Variants in CCDC150 observed in about 807,000 individuals in gnomAD.
CCDC150 encodes the protein coiled-coil domain-containing protein 150.
In CCDC150, 151 loss-of-function variants were observed where a neutral mutation model predicts 156.5. The ratio of observed to expected loss-of-function variants is 0.97; its 90% CI spans 0.85 to 1.10. The LOEUF (loss-of-function observed/expected upper bound fraction) is 1.10. CCDC150 is among the 50% of genes least tolerant of loss of function. The pLI is 0.00. For missense variants in CCDC150, 1,312 were observed against 1,268.1 expected, an observed-to-expected ratio of 1.03 and a Z score of -0.53; for synonymous variants, 452 against 429.4, an observed-to-expected ratio of 1.05 and a Z score of -0.65.
intron 21 of CCDC150, 52 bp downstream of exon 21, chr2:196,721,743 A>G: frequency 7.1e-7 from 1 of 1,410,904 alleles, no homozygotes; most frequent in Non-Finnish European, 9.6e-7. Flanking sequence ...TGGAGGAGTA[A>G]GTCACATTCC....
intron 15 of CCDC150, among the ~76,000 whole-genome samples, chr2:196,711,240 C>T (rs1697092133): frequency 6.6e-6 from 1 of 152,122 alleles, no homozygotes; most frequent in East Asian, 1.9e-4. Context: ...ACAGAACATC[C>T]CTAACACCCA....
intron 15 of CCDC150, among the ~76,000 whole-genome samples, chr2:196,702,802 A>G (rs10202830): frequency 0.78 from 118,342 of 151,710 alleles, 46,360 homozygotes; most frequent in East Asian, 0.97. Context: ...TCTGAGACTG[A>G]GTAATTTGTA....
At chr2:196,730,173 A>G in intron 25 of CCDC150, 55 bp downstream of exon 25, 1 of 1,497,540 alleles carries the variant, frequency 6.7e-7, no homozygotes, top group Non-Finnish European at 9.0e-7. Context: ...ACATGTGCCA[A>G]AGCCCAGTAG....
chr2:196,699,594 A>G (rs983455298), intron 14 of CCDC150, among the ~76,000 whole-genome samples: 1 of 151,216 alleles, frequency 6.6e-6, no homozygotes. Context: ...ATCACGGCTC[A>G]GTGTAGCCTC....
intron 13 of CCDC150, among the ~76,000 whole-genome samples, chr2:196,690,872 A>G (rs1264743428): frequency 6.6e-6 from 1 of 152,146 alleles, no homozygotes; most frequent in African/African-American, 2.4e-5. Context: ...ATTTTGTGGT[A>G]TGTTCCTTCA....
chr2:196,685,854 T>G (rs1695095832), intron 13 of CCDC150, among the ~76,000 whole-genome samples: 1 of 152,084 alleles, frequency 6.6e-6, no homozygotes, highest in Non-Finnish European at 1.5e-5. Context: ...GACCTCGTGA[T>G]CCGCCCGCCT....
At position 196,656,865 on chromosome 2, in the gene CCDC150, A is replaced by C; in HGVS notation, c.397+12A>C. 1.2e-6 allele frequency: 2 copies of C among 1,612,992 alleles called. No homozygotes were observed. Among genetic ancestry groups the C allele is most frequent in the Non-Finnish European group, 1.7e-6 (2 of 1,179,204 alleles). On this transcript the variant is annotated intron_variant, in intron 3 of 27. Transcript: ENST00000389175. Reference sequence around the variant, plus strand: ...TCCTCAGAAAACAGGTATAGAGATAAGAATCATCAGAAATGTGGTCCTGTA... The same window carrying C: ...TCCTCAGAAAACAGGTATAGAGATACGAATCATCAGAAATGTGGTCCTGTA...
intron 5 of CCDC150, among the ~76,000 whole-genome samples, chr2:196,664,122 A>G (rs547624263): frequency 2.3e-4 from 35 of 152,250 alleles, no homozygotes; most frequent in Admixed American, 5.2e-4. Flanking sequence ...ACTCTCACAT[A>G]CCTCGCAGCA....
At chr2:196,724,298 A>G (rs1698087641) in intron 21 of CCDC150, among the ~76,000 whole-genome samples, 1 of 152,198 alleles carries the variant, frequency 6.6e-6, no homozygotes, top group Non-Finnish European at 1.5e-5. Flanking sequence ...AGAAGAAAGT[A>G]AGAGTTGAAG....
chr2:196,712,012 G>C (rs1697153411), intron 15 of CCDC150, 133 bp from the exon 16 acceptor site: 1 of 363,584 alleles, frequency 2.8e-6, no homozygotes, highest in Non-Finnish European at 4.8e-6. Context: ...AAGATTCTCT[G>C]TAATTTTTTT....
intron 8 of CCDC150, among the ~76,000 whole-genome samples, 198 bp from the exon 9 acceptor site, chr2:196,672,147 A>G (rs1483141089): frequency 1.3e-5 from 2 of 152,206 alleles, no homozygotes; most frequent in Non-Finnish European, 2.9e-5. Context: ...GTTTTGATAA[A>G]TAGTTTTGAA....
At chr2:196,715,623 T>C (rs1249891207) in intron 17 of CCDC150, among the ~76,000 whole-genome samples, 1 of 152,166 alleles carries the variant, frequency 6.6e-6, no homozygotes, top group Non-Finnish European at 1.5e-5. Flanking sequence ...AAGGACAGTC[T>C]TTTCAACAAA....
chr2:196,647,325 T>G (rs1166761452), intron 2 of CCDC150, among the ~76,000 whole-genome samples: 1 of 152,110 alleles, frequency 6.6e-6, no homozygotes, highest in East Asian at 1.9e-4. Flanking sequence ...CATTTAACAT[T>G]TTTATGCATA....
Position 196,720,651 on chromosome 2 carries a change from G to A in CCDC150, c.2242G>A (p.Asp748Asn), listed in dbSNP as rs1416304201. 1.2e-6 allele frequency: 2 copies of A among 1,613,778 alleles called. No individual in the cohort carries two copies. The highest frequency in any genetic ancestry group is 1.7e-5 in the Admixed American group (1 of 60,004). ...QWQARMLVME[D>N]QHNSEIESLQ... ...GCAGGCCAGGATGCTTGTCATGGAGGACCAGCACAACAGTGAGGTTGGAGC... is the reference window on the plus strand; with the variant it reads ...GCAGGCCAGGATGCTTGTCATGGAGAACCAGCACAACAGTGAGGTTGGAGC... Residue 748 changes from aspartate (D) to asparagine (N), a missense_variant, in exon 20 of 28, where the codon GAC (aspartate) becomes AAC (asparagine). Physicochemically the swap from Asp to Asn is conservative, Grantham distance 23. Coordinates refer to ENST00000389175, the MANE Select transcript of CCDC150 (RefSeq NM_001080539.2).
At position 196,672,366 on chromosome 2, in the gene CCDC150, A is replaced by G. The variant is rs1403665117; in HGVS notation, c.958A>G (p.Lys320Glu). The G allele has an allele frequency of 6.5e-7, 1 of 1,537,010 alleles. No homozygotes were observed. The highest frequency in any genetic ancestry group is 8.7e-7 in the Non-Finnish European group (1 of 1,144,642). ...ATAGAACCTGCAGATATCTTTCAAC[A>G]AGGAACATGAAGAAAATGCATATTT... is the stretch of plus-strand genomic sequence containing the variant. Reference protein sequence around the residue: ...ENKNLQISFNKEHEENAYLRS... With the variant: ...ENKNLQISFNEEHEENAYLRS... The change falls in exon 9 of 28, where the codon AAG (lysine) becomes GAG (glutamate). Residue 320 changes from lysine (K) to glutamate (E), a missense_variant. Coordinates refer to ENST00000389175, the MANE Select transcript of CCDC150 (RefSeq NM_001080539.2).
intron 16 of CCDC150, 80 bp downstream of exon 16, chr2:196,712,332 AC>A: frequency 1.3e-6 from 1 of 754,354 alleles, no homozygotes; most frequent in Non-Finnish European, 2.1e-6. Context: ...TCCCCACTTT[AC>A]CACACAATCC....
chr2:196,663,530 AG>A (rs1185520481), intron 5 of CCDC150, among the ~76,000 whole-genome samples: 1 of 152,120 alleles, frequency 6.6e-6, no homozygotes, highest in East Asian at 1.9e-4. Context: ...AATTGAAAAA[AG>A]AATCTTATAG....
intron 27 of CCDC150, 121 bp downstream of exon 27, chr2:196,732,273 A>G: frequency 8.0e-7 from 1 of 1,251,366 alleles, no homozygotes; most frequent in Non-Finnish European, 1.1e-6. Context: ...TCTTTAGACT[A>G]ATGCTAGGAA....
chr2:196,656,983 A>C lies in CCDC150; in HGVS notation c.423A>C (p.Ala141=). 6.2e-7 allele frequency: 1 copy of C among 1,613,602 alleles called. No individual in the cohort carries two copies. The highest frequency in any genetic ancestry group is 2.2e-5 in the East Asian group (1 of 44,868). ...CTTTTCTGAAAGATCGACTGAATGCAATACAGGAAGAGCATTCTAAGGACC... is the reference window on the plus strand; with the variant it reads ...CTTTTCTGAAAGATCGACTGAATGCCATACAGGAAGAGCATTCTAAGGACC... ...KTAFLKDRLN[A]IQEEHSKDLK... is the part of the protein sequence containing the mutation. The change falls in exon 4 of 28, where the codon GCA becomes GCC. Residue 141 remains alanine (A), a synonymous_variant. Transcript: ENST00000389175.
Sources: allele counts gnomAD v4.1 joint callset (sites outside exome capture counted in the v4.1 genomes callset), GRCh38; gene constraint gnomAD v4.1.1; transcripts MANE v1.5; gene names NCBI Gene and HGNC (gene_info 2026-07-23, HGNC 2026-07-21).